Variants in LARGE1 observed in about 807,000 individuals in gnomAD.
LARGE1 encodes the protein xylosyl- and glucuronyltransferase LARGE1.
In LARGE1, 43 loss-of-function variants were observed where a neutral mutation model predicts 87.6. The observed-to-expected ratio is 0.49, with a 90% CI of 0.38 to 0.63. LARGE1 has a LOEUF of 0.63. LARGE1 is among the 30% of genes least tolerant of loss of function. LARGE1 has a pLI of 0.00. For synonymous variants in LARGE1, 434 were observed against 394.6 expected (o/e 1.10, Z -1.18); for missense variants, 802 against 1,000.2 (o/e 0.80, Z 2.67).
In LARGE1 at chr22:33,290,878, A is replaced by G. The variant is rs376514690; in HGVS notation, c.1731-7530T>C. 5.6e-4 allele frequency among the ~76,000 whole-genome samples: 86 copies of G among 152,248 alleles called. 1 individual carries two copies. The South Asian group carries it at 0.018, about 31-fold the overall frequency. ...ACATGGTGAAACCCTGTCTCTACTA[A>G]AAATACAAAAATTAGCTGGGTGTGG... On this transcript the variant is annotated intron_variant, in intron 12 of 14. Coordinates refer to ENST00000397394, the MANE Select transcript of LARGE1 (RefSeq NM_133642.5).
At chr22:33,475,033 A>G (rs542412455) in intron 6 of LARGE1, among the ~76,000 whole-genome samples, 2 of 152,134 alleles carry the variant, frequency 1.3e-5, no homozygotes, top group Admixed American at 6.5e-5. Flanking sequence ...TCACTCCACC[A>G]TCTACAGGAC....
chr22:33,458,262 G>A (rs928057330), intron 6 of LARGE1, among the ~76,000 whole-genome samples: 5 of 151,444 alleles, frequency 3.3e-5, no homozygotes, highest in Middle Eastern at 3.4e-3. Flanking sequence ...CTGCCACCAC[G>A]CTCGGCTAAT....
At chr22:33,816,769 T>C (rs1220260551) in intron 1 of LARGE1, among the ~76,000 whole-genome samples, 5 of 152,098 alleles carry the variant, frequency 3.3e-5, no homozygotes, top group Non-Finnish European at 7.3e-5. Flanking sequence ...GACAATGTTT[T>C]TGGGGCCAAG....
chr22:33,145,245 G>A, the LARGE1 span, among the ~76,000 whole-genome samples: 3 of 152,148 alleles, frequency 2.0e-5, no homozygotes, highest in Non-Finnish European at 4.4e-5. Flanking sequence ...TGAGTTACCT[G>A]GAGATATTGA....
At chr22:33,916,149 C>A (rs949460495) in intron 1 of LARGE1, among the ~76,000 whole-genome samples, 1 of 151,936 alleles carries the variant, frequency 6.6e-6, no homozygotes, top group African/African-American at 2.4e-5. Flanking sequence ...GGCGTGGGGG[C>A]GGGCGCCTGT....
At chr22:33,731,827 C>T (rs944991144) in intron 2 of LARGE1, among the ~76,000 whole-genome samples, 1 of 152,182 alleles carries the variant, frequency 6.6e-6, no homozygotes, top group African/African-American at 2.4e-5. Flanking sequence ...AAGTTGTACA[C>T]ATTAAATATG....
intron 9 of LARGE1, among the ~76,000 whole-genome samples, chr22:33,347,977 G>T (rs981978832): frequency 6.6e-6 from 1 of 152,116 alleles, no homozygotes; most frequent in Non-Finnish European, 1.5e-5. Flanking sequence ...GAACCTCTAT[G>T]GGGGAAGGAG....
At chr22:33,499,626 C>A (rs2070332859) in intron 6 of LARGE1, among the ~76,000 whole-genome samples, 2 of 152,034 alleles carry the variant, frequency 1.3e-5, no homozygotes, top group African/African-American at 4.8e-5. Flanking sequence ...TTAAATGAAG[C>A]AATCCATTCC....
At chr22:33,138,267 A>T in the LARGE1 span, among the ~76,000 whole-genome samples, 1 of 152,020 alleles carries the variant, frequency 6.6e-6, no homozygotes, top group Non-Finnish European at 1.5e-5. Flanking sequence ...TCGGACTTAT[A>T]TGGGGCCCGT....
chr22:33,100,452 T>C, the LARGE1 span, among the ~76,000 whole-genome samples: 46 of 152,024 alleles, frequency 3.0e-4, no homozygotes, highest in African/African-American at 1.1e-3. Context: ...ACTGGTCACA[T>C]GTGGCCCAAG....
intron 10 of LARGE1, among the ~76,000 whole-genome samples, chr22:33,328,772 C>G: frequency 6.6e-6 from 1 of 151,950 alleles, no homozygotes; most frequent in Admixed American, 6.6e-5. Flanking sequence ...ACATACATAG[C>G]TACATCCATT....
upstream of LARGE1, among the ~76,000 whole-genome samples, chr22:33,921,308 C>A (rs369327782): frequency 1.3e-5 from 2 of 152,206 alleles, no homozygotes; most frequent in African/African-American, 4.8e-5. This position sits in a 1 kb window ranked among gnomAD's most constrained non-coding sequence, Gnocchi z 4.1. Flanking sequence ...TGGGAGCTCC[C>A]CGCCCTTCTT....
At position 33,386,424 on chromosome 22, in the gene LARGE1, A is replaced by G. The variant is rs1452353895; in HGVS notation, c.893-2120T>C. Among the ~76,000 whole-genome samples, 4 of 148,240 alleles carry G rather than the reference A, an allele frequency of 2.7e-5. No individual in the cohort carries two copies. The East Asian group carries it at 5.9e-4, about 22-fold the overall frequency. On this transcript the variant is annotated intron_variant, in intron 7 of 14. Coordinates refer to ENST00000397394, the MANE Select transcript of LARGE1 (RefSeq NM_133642.5). The stretch of plus-strand genomic sequence containing the variant: ...TGTCTTTTGTTGACTCTCAGTTTCT[A>G]TGAGTGTTAAATGAGAAAAATGCTA...
In LARGE1 at chr22:33,395,226, CA is replaced by C. The variant is rs3071528; in HGVS notation, c.893-10923del. 2.7e-3 allele frequency among the ~76,000 whole-genome samples: 169 copies of C among 61,622 alleles called. 1 individual carries two copies. The highest frequency in any genetic ancestry group is 6.8e-3 in the East Asian group (12 of 1,760). The allele number at this position is 61,622 out of a possible 152,430, so 40.4% of individuals were successfully genotyped here. On this transcript the variant is annotated intron_variant, in intron 7 of 14. Transcript: ENST00000397394. Reference sequence around the variant, plus strand: ...CCTGGGTGACGCAGCGACTCTGCCTCAAAAAAAAAAAAAAAAAAAAAGCCAG... The same window carrying C: ...CCTGGGTGACGCAGCGACTCTGCCTCAAAAAAAAAAAAAAAAAAAAGCCAG...
At chr22:33,416,278 C>T (rs1050992359) in intron 7 of LARGE1, among the ~76,000 whole-genome samples, 1 of 152,208 alleles carries the variant, frequency 6.6e-6, no homozygotes, top group Admixed American at 6.5e-5. Flanking sequence ...GTGTGTGCTG[C>T]TCTGGCCATC....
At chr22:33,841,419 TG>T (rs1389727811) in intron 1 of LARGE1, among the ~76,000 whole-genome samples, 1 of 152,192 alleles carries the variant, frequency 6.6e-6, no homozygotes, top group Non-Finnish European at 1.5e-5. Flanking sequence ...GGAGATGGCC[TG>T]GTCCCTCTCC....
chr22:33,860,900 C>T (rs1158883917), intron 1 of LARGE1, among the ~76,000 whole-genome samples: 1 of 152,186 alleles, frequency 6.6e-6, no homozygotes, highest in African/African-American at 2.4e-5. Context: ...TTTCTGATGA[C>T]CTACTGCACT....
chr22:33,130,940 A>G, the LARGE1 span, among the ~76,000 whole-genome samples: 1 of 146,218 alleles, frequency 6.8e-6, no homozygotes, highest in South Asian at 2.3e-4. Context: ...AGGCTGAGGC[A>G]GGAGAATGGC....
intron 11 of LARGE1, among the ~76,000 whole-genome samples, chr22:33,260,107 C>T (rs988184973): frequency 3.3e-4 from 50 of 152,132 alleles, no homozygotes; most frequent in African/African-American, 1.2e-3. Flanking sequence ...TTCACACTAG[C>T]CAATCCTAAG....
Sources: allele counts gnomAD v4.1 joint callset (sites outside exome capture counted in the v4.1 genomes callset), GRCh38; gene constraint gnomAD v4.1.1; non-coding constraint Gnocchi (gnomAD v3.1); transcripts MANE v1.5; gene names NCBI Gene and HGNC (gene_info 2026-07-23, HGNC 2026-07-21).